Variants in UNC13C observed in about 807,000 individuals in gnomAD.
The protein encoded by UNC13C is unc-13 homolog C.
Under a neutral mutation model 245.4 loss-of-function variants are expected in UNC13C, and 174 were observed. That is an observed-to-expected ratio of 0.71 (90% CI 0.63 to 0.80). The LOEUF is 0.80. UNC13C is among the 30% of genes least tolerant of loss of function. The probability of loss-of-function intolerance (pLI) is 0.00; values close to 1 mark genes in which losing one functional copy is unlikely to be tolerated. For missense variants in UNC13C, 2,829 were observed against 2,602.9 expected (o/e 1.09, Z -1.89); for synonymous variants, 992 against 895.1 (o/e 1.11, Z -1.93).
chr15:54,414,868 A>G (rs2040487666), intron 18 of UNC13C, 114 bp from the exon 19 acceptor site: 1 of 555,066 alleles, frequency 1.8e-6, no homozygotes, highest in East Asian at 3.1e-5. Context: ...TGTCATAAAT[A>G]AAAGTATTTA....
At chr15:54,159,869 T>A (rs2032903447) in intron 4 of UNC13C, among the ~76,000 whole-genome samples, 1 of 152,114 alleles carries the variant, frequency 6.6e-6, no homozygotes, top group African/African-American at 2.4e-5. Context: ...AGAGAGAGGA[T>A]TAGAATTGTG....
chr15:54,425,469 T>G (rs1255430121), intron 19 of UNC13C, among the ~76,000 whole-genome samples: 2 of 151,760 alleles, frequency 1.3e-5, no homozygotes, highest in Admixed American at 1.3e-4. Context: ...TAAGAAAAAC[T>G]TACATGGACA....
At chr15:54,533,508 A>C (rs1310311066) in intron 26 of UNC13C, among the ~76,000 whole-genome samples, 1 of 152,228 alleles carries the variant, frequency 6.6e-6, no homozygotes, top group Non-Finnish European at 1.5e-5. Context: ...AGGCAAGCAG[A>C]TAGCTGCCTG....
chr15:54,191,553 T>C (rs1409176888), intron 4 of UNC13C, among the ~76,000 whole-genome samples: 1 of 152,218 alleles, frequency 6.6e-6, no homozygotes, highest in East Asian at 1.9e-4. Flanking sequence ...TATAATCCTT[T>C]GGGTATATAC....
intron 4 of UNC13C, among the ~76,000 whole-genome samples, chr15:54,234,120 TCTC>T (rs2035624955): frequency 1.4e-5 from 1 of 72,374 alleles, no homozygotes; most frequent in Non-Finnish European, 2.6e-5. Context: ...TTTTTCTCTT[TCTC>T]TCACCCATTT....
intron 19 of UNC13C, among the ~76,000 whole-genome samples, chr15:54,461,163 A>G (rs1891825280): frequency 1.3e-5 from 2 of 152,102 alleles, no homozygotes; most frequent in South Asian, 4.1e-4. Context: ...TATTCAAGTT[A>G]TATTATTTTT....
At chr15:54,462,814 C>G (rs1209955306) in intron 19 of UNC13C, among the ~76,000 whole-genome samples, 1 of 152,176 alleles carries the variant, frequency 6.6e-6, no homozygotes, top group Non-Finnish European at 1.5e-5. Context: ...GTCCCATCAA[C>G]CACCCAAGGG....
rs1367663775 is a variant in UNC13C, at chr15:54,013,752, T to C, written c.849T>C (p.Val283=). ...SIDEISSSVE[V]VQSEIEQLRT... ...ATGAGATCTCCAGCAGTGTGGAGGT[T>C]GTACAAAGTGAAATTGAGCAGTTGC... Residue 283 remains valine (V), a synonymous_variant, in exon 2 of 33, where the codon GTT becomes GTC. Transcript: ENST00000260323. 6.2e-7 allele frequency: 1 copy of C among 1,611,330 alleles called. No individual in the cohort carries two copies. Among genetic ancestry groups the C allele is most frequent in the South Asian group, 1.1e-5 (1 of 90,842 alleles).
At chr15:54,312,403 G>A (rs1291444716) in intron 13 of UNC13C, among the ~76,000 whole-genome samples, 2 of 151,714 alleles carry the variant, frequency 1.3e-5, no homozygotes, top group East Asian at 3.9e-4. Context: ...TTCAAATGAA[G>A]CACTCTTTTA....
chr15:53,992,591 C>A (rs1894440564), intron 1 of UNC13C, among the ~76,000 whole-genome samples: 1 of 152,068 alleles, frequency 6.6e-6, no homozygotes, highest in African/African-American at 2.4e-5. Flanking sequence ...GATGTCCTAT[C>A]CCGTGACTCA....
At chr15:54,253,835 A>G (rs994852898) in intron 8 of UNC13C, among the ~76,000 whole-genome samples, 27 of 152,200 alleles carry the variant, frequency 1.8e-4, no homozygotes, top group African/African-American at 6.0e-4. Flanking sequence ...GTGTAGAAAA[A>G]AGACAGCTAC....
Position 54,015,126 on chromosome 15 carries a change from T to G in UNC13C, c.2223T>G (p.Tyr741Ter). The change falls in exon 2 of 33, where the codon TAT (tyrosine) becomes TAG (stop). Residue 741 changes from tyrosine to a stop codon, truncating the protein, a stop_gained. Transcript: ENST00000260323. LOFTEE classifies it high-confidence loss of function. Reference sequence around the variant, plus strand: ...AGTGGGTTGGCCAATATGATTCTTATCAGGGAGCTAATTCTAATGAGCTAT... The same window carrying G: ...AGTGGGTTGGCCAATATGATTCTTAGCAGGGAGCTAATTCTAATGAGCTAT... The part of the protein sequence containing the change: ...QGQWVGQYDS[Y>*]QGANSNELYQ... 2.5e-6 allele frequency: 4 copies of G among 1,612,574 alleles called. No individual in the cohort carries two copies. Among genetic ancestry groups the G allele is most frequent in the Non-Finnish European group, 3.4e-6 (4 of 1,179,288 alleles).
intron 30 of UNC13C, among the ~76,000 whole-genome samples, chr15:54,586,970 A>G (rs981385322): frequency 6.6e-6 from 1 of 152,208 alleles, no homozygotes; most frequent in African/African-American, 2.4e-5. Flanking sequence ...ATATTTACCA[A>G]ATTCCACTTA....
chr15:54,130,174 GTTGTA>G (rs1567036485), intron 2 of UNC13C, among the ~76,000 whole-genome samples: 1 of 145,908 alleles, frequency 6.9e-6, no homozygotes, highest in African/African-American at 2.5e-5. Context: ...TTTTGTTTTT[GTTGTA>G]TTTTGTTTTG....
intron 30 of UNC13C, among the ~76,000 whole-genome samples, chr15:54,579,188 G>T (rs1372069905): frequency 6.6e-6 from 1 of 152,110 alleles, no homozygotes; most frequent in African/African-American, 2.4e-5. Context: ...TCTTCTACAG[G>T]ATTCCAAAAT....
In UNC13C at chr15:54,008,636, G is replaced by A. The variant is rs182329975; in HGVS notation, c.-256-4012G>A. On this transcript the variant is annotated intron_variant, in intron 1 of 32. Transcript: ENST00000260323. ...GTAGTTGAGATGATGTTATCTTTGC[G>A]TTCACCCTCCAGCTACCTCTCATCT... 4.7e-4 allele frequency among the ~76,000 whole-genome samples: 71 copies of A among 152,200 alleles called. 1 individual carries two copies. The East Asian group carries it at 0.01, about 22-fold the overall frequency.
rs374357844 is a variant in UNC13C, at chr15:54,565,073, T to G, written c.5959-2727T>G. ...TGCTAAAGTTAAAAACAACAGTACT[T>G]AAAAACTCATAACCACCAAAGATGT... is the stretch of plus-strand genomic sequence containing the variant. On this transcript the variant is annotated intron_variant, in intron 29 of 32. Coordinates refer to ENST00000260323, the MANE Select transcript of UNC13C (RefSeq NM_001080534.3). Among the ~76,000 whole-genome samples the G allele has an allele frequency of 3.3e-5, 5 of 152,072 alleles. No homozygotes were observed. The East Asian group carries it at 7.7e-4, about 24-fold the overall frequency.
At chr15:54,517,821 AAAC>A (rs1224316488) in intron 24 of UNC13C, among the ~76,000 whole-genome samples, 3 of 152,206 alleles carry the variant, frequency 2.0e-5, no homozygotes, top group South Asian at 2.1e-4. Context: ...TGTGAGAGAA[AAAC>A]AACAAGGACA....
chr15:53,917,983 A>ACATTCTTTG, the UNC13C span, among the ~76,000 whole-genome samples: 3 of 152,216 alleles, frequency 2.0e-5, no homozygotes, highest in African/African-American at 7.2e-5. Context: ...GGAAAGTAAG[A>ACATTCTTTG]CATTCTTTGG....
Sources: allele counts gnomAD v4.1 joint callset (sites outside exome capture counted in the v4.1 genomes callset), GRCh38; gene constraint gnomAD v4.1.1; transcripts MANE v1.5; gene names NCBI Gene and HGNC (gene_info 2026-07-23, HGNC 2026-07-21).